Variants in CATSPERT observed in about 807,000 individuals in gnomAD.
The protein encoded by CATSPERT is catsper channel auxiliary subunit tau, also known as cation channel sperm-associated targeting subunit tau.
the CATSPERT span, chr2:201,555,165 TC>T: frequency 3.3e-5 from 5 of 152,302 alleles, no homozygotes; most frequent in South Asian, 1.0e-3. Flanking sequence ...TCATATAGTA[TC>T]CCCGTGATGA....
chr2:201,536,636 A>G, the CATSPERT span, among the ~76,000 whole-genome samples: 1 of 151,888 alleles, frequency 6.6e-6, no homozygotes, highest in Non-Finnish European at 1.5e-5. Context: ...TCACCAATAT[A>G]TCATGAAACA....
chr2:201,580,791 G>A, the CATSPERT span, among the ~76,000 whole-genome samples: 2 of 152,174 alleles, frequency 1.3e-5, no homozygotes, highest in African/African-American at 4.8e-5. Context: ...AAAATGAGCT[G>A]CCGGAAAGTG....
At chr2:201,613,830 C>A in the CATSPERT span, among the ~76,000 whole-genome samples, 1 of 152,126 alleles carries the variant, frequency 6.6e-6, no homozygotes, top group Non-Finnish European at 1.5e-5. Flanking sequence ...AGATGAATGG[C>A]TAATTAGAAT....
chr2:201,616,647 C>A, the CATSPERT span, among the ~76,000 whole-genome samples: 1 of 152,188 alleles, frequency 6.6e-6, no homozygotes, highest in African/African-American at 2.4e-5. Flanking sequence ...AAAACTGGCA[C>A]AAGACAGGGA....
chr2:201,608,388 T>A, the CATSPERT span, among the ~76,000 whole-genome samples: 9 of 152,054 alleles, frequency 5.9e-5, no homozygotes, highest in Non-Finnish European at 1.0e-4. Flanking sequence ...TTTTTTAAAA[T>A]TTTGGTAGAG....
At chr2:201,558,189 C>T in the CATSPERT span, 1 of 152,194 alleles carries the variant, frequency 6.6e-6, no homozygotes, top group Admixed American at 6.5e-5. Flanking sequence ...GTGAAAACAA[C>T]CTCCTCCTAA....
the CATSPERT span, among the ~76,000 whole-genome samples, chr2:201,563,490 C>T: frequency 3.1e-5 from 4 of 127,892 alleles, no homozygotes; most frequent in African/African-American, 5.9e-5. Flanking sequence ...CCCTCCCGGA[C>T]GGGGCGGCTG....
the CATSPERT span, among the ~76,000 whole-genome samples, chr2:201,559,128 C>T: frequency 6.6e-6 from 1 of 152,224 alleles, no homozygotes; most frequent in African/African-American, 2.4e-5. Flanking sequence ...TGCTCAGGAC[C>T]TGAGAAACAG....
chr2:201,521,007 G>A, the CATSPERT span, among the ~76,000 whole-genome samples: 1 of 151,702 alleles, frequency 6.6e-6, no homozygotes, highest in African/African-American at 2.4e-5. Context: ...TAGAGGAAAT[G>A]GATATATTCC....
chr2:201,501,197 G>A, the CATSPERT span, among the ~76,000 whole-genome samples: 20 of 151,856 alleles, frequency 1.3e-4, no homozygotes, highest in East Asian at 1.4e-3. Flanking sequence ...TCGGGAGTTC[G>A]AGACTAGCCT....
chr2:201,543,981 T>C, the CATSPERT span, among the ~76,000 whole-genome samples: 5 of 152,090 alleles, frequency 3.3e-5, no homozygotes, highest in Admixed American at 1.3e-4. Context: ...TTACATTAGG[T>C]ATATCACCTA....
At chr2:201,537,901 T>C in the CATSPERT span, among the ~76,000 whole-genome samples, 1 of 151,998 alleles carries the variant, frequency 6.6e-6, no homozygotes, top group African/African-American at 2.4e-5. Flanking sequence ...ATATTTAGCA[T>C]GTAAAAAGGG....
the CATSPERT span, among the ~76,000 whole-genome samples, chr2:201,505,423 T>A: frequency 6.6e-6 from 1 of 152,168 alleles, no homozygotes; most frequent in African/African-American, 2.4e-5. Context: ...ATATGCTGCC[T>A]TTTTCCCTAG....
the CATSPERT span, chr2:201,557,466 A>G: frequency 6.6e-6 from 1 of 152,182 alleles, no homozygotes. Context: ...TGGGAGTTTC[A>G]TCAAATTTTC....
At chr2:201,562,776 A>G in the CATSPERT span, among the ~76,000 whole-genome samples, 1 of 118,090 alleles carries the variant, frequency 8.5e-6, no homozygotes, top group Non-Finnish European at 1.8e-5. Flanking sequence ...CACCGCCCTT[A>G]ATCCATTTAA....
chr2:201,536,449 T>G, the CATSPERT span: 1 of 1,205,436 alleles, frequency 8.3e-7, no homozygotes, highest in Non-Finnish European at 1.1e-6. Context: ...CATTATTATT[T>G]GTAAATTTTA....
At chr2:201,549,169 C>T in the CATSPERT span, among the ~76,000 whole-genome samples, 1 of 152,008 alleles carries the variant, frequency 6.6e-6, no homozygotes, top group African/African-American at 2.4e-5. Flanking sequence ...TGGATTGCAG[C>T]CTATCAAATG....
At chr2:201,529,737 A>C in the CATSPERT span, among the ~76,000 whole-genome samples, 1 of 152,200 alleles carries the variant, frequency 6.6e-6, no homozygotes, top group South Asian at 2.1e-4. Context: ...AGGCACGAAA[A>C]GCAAAAATAA....
the CATSPERT span, among the ~76,000 whole-genome samples, chr2:201,581,512 ATATATATAT>A: frequency 1.8e-4 from 17 of 93,002 alleles, 2 homozygotes; most frequent in Admixed American, 1.2e-3. Context: ...ATATATATAT[ATATATATAT>A]ATAAAATATT....
Sources: gnomAD v4.1 joint callset for allele counts (sites outside exome capture counted in the v4.1 genomes callset) on GRCh38, gnomAD v4.1.1 for gene constraint, MANE v1.5 for transcripts, NCBI Gene and HGNC (gene_info 2026-07-23, HGNC 2026-07-21) for gene names.